The following PACS2 variants were observed in gnomAD, a reference collection of about 807,000 sequenced individuals.
PACS2 encodes PACS1-like protein.
Under a neutral mutation model 113.0 loss-of-function variants are expected in PACS2, and 36 were observed. The ratio of observed to expected loss-of-function variants is 0.32; its 90% confidence interval spans 0.24 to 0.42. The LOEUF (loss-of-function observed/expected upper bound fraction) is 0.42. PACS2 is among the 10% of genes least tolerant of loss of function. The probability of loss-of-function intolerance (pLI) is 1.00; values close to 1 mark genes in which losing one functional copy is unlikely to be tolerated. For missense variants in PACS2, 1,015 were observed against 1,239.5 expected, an observed-to-expected ratio of 0.82 and a Z score of 2.72; for synonymous variants, 589 against 536.1, an observed-to-expected ratio of 1.10 and a Z score of -1.36.
rs1275289946 is a variant in PACS2, at chr14:105,330,391, T to C, written c.119+15354T>C. On this transcript the variant is annotated intron_variant, in intron 1 of 24. Coordinates refer to ENST00000447393, the MANE Select transcript of PACS2 (RefSeq NM_001100913.3). This position sits in a 1 kb window ranked among gnomAD's most constrained non-coding sequence, Gnocchi z 6.9. ...TCCGTAGGAACGGGGGACAGGAGGT[T>C]GTGAAGGGCGTGTGGGTTCCGGGAG... Among the ~76,000 whole-genome samples the C allele has an allele frequency of 2.0e-5, 3 of 152,036 alleles. No homozygotes were observed.
At chr14:105,318,258 C>T (rs1442985338) in intron 1 of PACS2, among the ~76,000 whole-genome samples, 1 of 152,192 alleles carries the variant, frequency 6.6e-6, no homozygotes, top group Non-Finnish European at 1.5e-5. Flanking sequence ...GCTGAGATTA[C>T]AGGTATGAGC....
intron 1 of PACS2, among the ~76,000 whole-genome samples, chr14:105,318,552 C>T (rs2058754909): frequency 6.6e-6 from 1 of 152,098 alleles, no homozygotes; most frequent in African/African-American, 2.4e-5. Context: ...CTCCCTGTTT[C>T]GATTTTCCTG....
chr14:105,339,156 G>A (rs782282034), intron 1 of PACS2, among the ~76,000 whole-genome samples: 12 of 152,330 alleles, frequency 7.9e-5, no homozygotes, highest in Non-Finnish European at 1.3e-4. Context: ...TGCTGCCAAA[G>A]ATGGAAAGTG....
chr14:105,323,197 C>T lies in PACS2; in HGVS notation c.119+8160C>T, dbSNP rs2058964898. On this transcript the variant is annotated intron_variant, in intron 1 of 24. Transcript: ENST00000447393. The surrounding 1 kb of genome is among the most constrained non-coding windows in gnomAD (Gnocchi z 4.1). ...TGTGGATCGATGATTTTCATGAGTC[C>T]CGGGAAGCTCTCAGCCACTTTTTCT... is the stretch of plus-strand genomic sequence containing the variant. 2.0e-5 allele frequency among the ~76,000 whole-genome samples: 3 copies of T among 152,188 alleles called. No individual in the cohort carries two copies. Among genetic ancestry groups the T allele is most frequent in the Admixed American group, 6.5e-5 (1 of 15,270 alleles).
At chr14:105,377,035 C>A in intron 9 of PACS2, 110 bp downstream of exon 9, 1 of 1,180,562 alleles carries the variant, frequency 8.5e-7, no homozygotes, top group Non-Finnish European at 1.2e-6. Flanking sequence ...GTGGGCAGGG[C>A]CAGCTGCCTC....
chr14:105,338,059 GC>G (rs1376547865), intron 1 of PACS2, among the ~76,000 whole-genome samples: 2 of 152,154 alleles, frequency 1.3e-5, no homozygotes, highest in Admixed American at 6.5e-5. Flanking sequence ...GTCCTGCCCC[GC>G]CCCCATCTGA....
rs1468766107 is a variant in PACS2 at position 105,397,856 on chromosome 14, G to A, written c.*3184G>A. ...CCAGGCCGCCCCCTCCCCGAGACCTGTCCTGCCGTCCGCGGGTGTGTGGCC... is the reference window on the plus strand; with the variant it reads ...CCAGGCCGCCCCCTCCCCGAGACCTATCCTGCCGTCCGCGGGTGTGTGGCC... On this transcript the variant is annotated 3_prime_UTR_variant, in exon 25 of 25. Transcript: ENST00000447393. The A allele has an allele frequency of 1.3e-5, 2 of 152,216 alleles. No individual in the cohort carries two copies. Among genetic ancestry groups the A allele is most frequent in the African/African-American group, 4.8e-5 (2 of 41,448 alleles). 9.4% of individuals were successfully genotyped at this position (152,216 alleles called of 1,614,324 possible).
At chr14:105,382,152 A>G in intron 13 of PACS2, 94 bp downstream of exon 13, 1 of 1,342,396 alleles carries the variant, frequency 7.4e-7, no homozygotes, top group Non-Finnish European at 1.0e-6. Flanking sequence ...ACAGGGGGCC[A>G]AGGGTGCTGG....
At chr14:105,387,884 G>A (rs927292989) in intron 19 of PACS2, among the ~76,000 whole-genome samples, 10 of 152,190 alleles carry the variant, frequency 6.6e-5, no homozygotes, top group East Asian at 1.9e-4. Flanking sequence ...GTGCCTTCGC[G>A]TGCCTGGGAG....
intron 8 of PACS2, among the ~76,000 whole-genome samples, chr14:105,374,015 C>G (rs984352256): frequency 1.3e-5 from 2 of 151,890 alleles, no homozygotes; most frequent in Admixed American, 6.6e-5. Flanking sequence ...ATTAGCCAGG[C>G]ATCGTGGCGG....
At chr14:105,351,456 T>A (rs1163391971) in intron 2 of PACS2, among the ~76,000 whole-genome samples, 1 of 152,204 alleles carries the variant, frequency 6.6e-6, no homozygotes, top group African/African-American at 2.4e-5. Context: ...ACCCTCATTT[T>A]TGTGACAGCA....
intron 1 of PACS2, among the ~76,000 whole-genome samples, chr14:105,337,597 C>T (rs2059575463): frequency 6.6e-6 from 1 of 152,222 alleles, no homozygotes; most frequent in African/African-American, 2.4e-5. Flanking sequence ...CTGGCTGAGC[C>T]CGTGGCTATG....
rs141003460 is a variant in PACS2, at chr14:105,339,890, C to G, written c.120-8603C>G. Among the ~76,000 whole-genome samples the G allele has an allele frequency of 4.5e-3, 680 of 152,218 alleles. 9 individuals are homozygous for G. The highest frequency in any genetic ancestry group is 0.015 in the African/African-American group (643 of 41,530). ...AACTCCTGACCTCAGGTGATCAGCC[C>G]TCCTCGGCCTCCCGAAGTCCTGGGA... On this transcript the variant is annotated intron_variant, in intron 1 of 24. Coordinates refer to ENST00000447393, the MANE Select transcript of PACS2 (RefSeq NM_001100913.3).
intron 6 of PACS2, 57 bp from the exon 7 acceptor site, chr14:105,368,402 G>A: frequency 6.7e-6 from 9 of 1,343,972 alleles, no homozygotes; most frequent in Non-Finnish European, 9.6e-6. Context: ...GGCTGGCAGG[G>A]TCCTGCCAGC....
chr14:105,302,200 C>G (rs879173820), intron 1 of PACS2, among the ~76,000 whole-genome samples: 1 of 143,280 alleles, frequency 7.0e-6, no homozygotes. Flanking sequence ...TCTTTTTTTT[C>G]TTTCTTTTTT....
At chr14:105,346,377 G>A (rs1276156731) in intron 1 of PACS2, among the ~76,000 whole-genome samples, 3 of 151,974 alleles carry the variant, frequency 2.0e-5, no homozygotes, top group South Asian at 2.1e-4. Flanking sequence ...CACACAGCCC[G>A]GTTGGTGACT....
rs587600868 is a variant in PACS2 at position 105,317,974 on chromosome 14, C to T, written c.119+2937C>T. On this transcript the variant is annotated intron_variant, in intron 1 of 24. Transcript: ENST00000447393. This position sits in a 1 kb window ranked among gnomAD's most constrained non-coding sequence, Gnocchi z 4.2. ...GCTCCTAGGTGGTCCACGGGGTATG[C>T]GTCAGTGCCTGTCTGTGGCCTCTGC... is the stretch of plus-strand genomic sequence containing the variant. 1.1e-4 allele frequency among the ~76,000 whole-genome samples: 16 copies of T among 152,300 alleles called. No homozygotes were observed. The highest frequency in any genetic ancestry group is 6.5e-4 in the Admixed American group (10 of 15,298).
At chr14:105,327,135 G>A (rs1476567318) in intron 1 of PACS2, among the ~76,000 whole-genome samples, 2 of 152,198 alleles carry the variant, frequency 1.3e-5, no homozygotes, top group African/African-American at 2.4e-5. Context: ...AGCTTTGGGC[G>A]TGAAGAACAG....
chr14:105,369,551 G>A (rs1555408831), intron 7 of PACS2, among the ~76,000 whole-genome samples: 1 of 152,188 alleles, frequency 6.6e-6, no homozygotes, highest in African/African-American at 2.4e-5. Context: ...GGGAGGGGGT[G>A]CTGAGGGAAG....
Sources: allele counts gnomAD v4.1 joint callset (sites outside exome capture counted in the v4.1 genomes callset), GRCh38; gene constraint gnomAD v4.1.1; non-coding constraint Gnocchi (gnomAD v3.1); transcripts MANE v1.5; gene names NCBI Gene and HGNC (gene_info 2026-07-23, HGNC 2026-07-21).